The following GAP43 variants were observed in gnomAD, a reference collection of about 807,000 sequenced individuals.
GAP43 encodes the protein growth associated protein 43, also known as neuromodulin.
Under a neutral mutation model 18.6 loss-of-function variants are expected in GAP43, and 6 were observed. That is an observed-to-expected ratio of 0.32 (90% CI 0.18 to 0.64). The LOEUF is 0.64. GAP43 is among the 30% of genes least tolerant of loss of function. The pLI is 0.78. For missense variants in GAP43, 292 were observed against 295.5 expected (o/e 0.99, Z 0.09); for synonymous variants, 115 against 111.4 (o/e 1.03, Z -0.20).
At chr3:115,684,263 G>A (rs186057023) in intron 2 of GAP43, among the ~76,000 whole-genome samples, 1 of 151,950 alleles carries the variant, frequency 6.6e-6, no homozygotes, top group East Asian at 1.9e-4. Context: ...AGAATCTTTT[G>A]GAATTTGGAA....
chr3:115,697,224 CAG>C (rs1709204557), intron 2 of GAP43, among the ~76,000 whole-genome samples: 1 of 151,672 alleles, frequency 6.6e-6, no homozygotes, highest in African/African-American at 2.4e-5. Flanking sequence ...TTCATGAAGA[CAG>C]GGTATTTTTT....
intron 2 of GAP43, among the ~76,000 whole-genome samples, chr3:115,695,166 T>A (rs1348317767): frequency 6.6e-6 from 1 of 152,210 alleles, no homozygotes; most frequent in Non-Finnish European, 1.5e-5. Context: ...TAAAGAATAT[T>A]AGTGCTTGGA....
chr3:115,684,768 GC>G (rs1321709511), intron 2 of GAP43, among the ~76,000 whole-genome samples: 1 of 152,166 alleles, frequency 6.6e-6, no homozygotes, highest in Non-Finnish European at 1.5e-5. Context: ...AATTTATAGT[GC>G]CTAAGAACTA....
intron 1 of GAP43, among the ~76,000 whole-genome samples, chr3:115,662,421 G>A (rs1186598283): frequency 6.6e-6 from 1 of 152,076 alleles, no homozygotes; most frequent in Non-Finnish European, 1.5e-5. Flanking sequence ...TCAGCTTACC[G>A]GGTTTTGATA....
rs147438525 is a variant in GAP43 at position 115,677,747 on chromosome 3, C to T, written c.628+1137C>T. Among the ~76,000 whole-genome samples the T allele has an allele frequency of 5.3e-5, 8 of 152,280 alleles. No individual in the cohort carries two copies. The East Asian group carries it at 1.5e-3, about 29-fold the overall frequency. Reference sequence around the variant, plus strand: ...AGGGTCCAAATACGGACTGAACCACCGTGTGCTCCTTGGGAGAAAACCTAC... The same window carrying T: ...AGGGTCCAAATACGGACTGAACCACTGTGTGCTCCTTGGGAGAAAACCTAC... On this transcript the variant is annotated intron_variant, in intron 2 of 2. Transcript: ENST00000305124.
intron 2 of GAP43, among the ~76,000 whole-genome samples, chr3:115,692,084 G>C (rs115570342): frequency 1.3e-5 from 2 of 152,100 alleles, no homozygotes; most frequent in African/African-American, 4.8e-5. Context: ...GTGTGCATAC[G>C]GATGATATTC....
chr3:115,680,179 T>G (rs13063634), intron 2 of GAP43, among the ~76,000 whole-genome samples: 99,227 of 151,976 alleles, frequency 0.65, 33,831 homozygotes, highest in Admixed American at 0.77. Context: ...TGATTTTTTG[T>G]CCAGGTGCGG....
chr3:115,629,181 A>C (rs1340735603), intron 1 of GAP43, among the ~76,000 whole-genome samples: 2 of 152,188 alleles, frequency 1.3e-5, no homozygotes, highest in Non-Finnish European at 2.9e-5. Flanking sequence ...ATAACCTGGC[A>C]CAGACTTTTC....
intron 2 of GAP43, among the ~76,000 whole-genome samples, chr3:115,687,301 A>T (rs2107355812): frequency 6.6e-6 from 1 of 152,322 alleles, no homozygotes; most frequent in South Asian, 2.1e-4. Context: ...GAGTATGGAT[A>T]ACTGCACCCA....
intron 2 of GAP43, among the ~76,000 whole-genome samples, chr3:115,698,174 A>ATAT (rs1320647430): frequency 2.9e-3 from 47 of 16,418 alleles, no homozygotes; most frequent in Admixed American, 4.5e-3. Flanking sequence ...AAATATATTA[A>ATAT]ATAATATATA....
Position 115,635,933 on chromosome 3 carries a change from G to A in GAP43, c.30+12214G>A, listed in dbSNP as rs189671725. On this transcript the variant is annotated intron_variant, in intron 1 of 2. Coordinates refer to ENST00000305124, the MANE Select transcript of GAP43 (RefSeq NM_002045.4). The stretch of plus-strand genomic sequence containing the variant: ...AATGGTTTTCCTGCAAGCTTCTACC[G>A]TTCTCCTGCATTATCATTCCCGTGT... Among the ~76,000 whole-genome samples the A allele has an allele frequency of 1.7e-3, 266 of 152,080 alleles. 1 individual carries two copies. Among genetic ancestry groups the A allele is most frequent in the African/African-American group, 3.5e-3 (146 of 41,502 alleles).
At chr3:115,638,153 CCTCAGCA>C (rs768937747) in intron 1 of GAP43, among the ~76,000 whole-genome samples, 1 of 152,034 alleles carries the variant, frequency 6.6e-6, no homozygotes, top group African/African-American at 2.4e-5. Context: ...ACAATCTTTC[CCTCAGCA>C]GCCAGAGTGC....
In GAP43 at chr3:115,623,561, GGA is replaced by G; in HGVS notation, c.-121_-120del. The stretch of plus-strand genomic sequence containing the variant: ...GTGTGAGGGAGAGAGAGGGAGGGAG[GGA>G]GAGAGAGCGCGCTAGCGCGAGAGAG... On this transcript the variant is annotated 5_prime_UTR_variant, in exon 1 of 3. Coordinates refer to ENST00000305124, the MANE Select transcript of GAP43 (RefSeq NM_002045.4). The G allele has an allele frequency of 8.4e-7, 1 of 1,189,870 alleles. No homozygotes were observed. Among genetic ancestry groups the G allele is most frequent in the Non-Finnish European group, 1.2e-6 (1 of 817,914 alleles). 73.7% of individuals were successfully genotyped at this position (1,189,870 alleles called of 1,614,324 possible).
rs190108105 is a variant in GAP43 at position 115,627,349 on chromosome 3, T to C, written c.30+3630T>C. The stretch of plus-strand genomic sequence containing the variant: ...CCAACCCATGCTGAGGCAACTGGAA[T>C]AAGAAAATGCAGAGTTAATTTTCTT... On this transcript the variant is annotated intron_variant, in intron 1 of 2. Coordinates refer to ENST00000305124, the MANE Select transcript of GAP43 (RefSeq NM_002045.4). 4.6e-3 allele frequency among the ~76,000 whole-genome samples: 694 copies of C among 151,440 alleles called. 3 individuals are homozygous for C. The highest frequency in any genetic ancestry group is 0.016 in the African/African-American group (662 of 41,278).
chr3:115,655,094 G>A (rs1454310948), intron 1 of GAP43, among the ~76,000 whole-genome samples: 1 of 152,050 alleles, frequency 6.6e-6, no homozygotes, highest in East Asian at 1.9e-4. Flanking sequence ...ATGAGTAGAG[G>A]GTAGGATTAG....
At chr3:115,652,389 A>ATTTTTTTTTTTTTTTTTT (rs1708531283) in intron 1 of GAP43, among the ~76,000 whole-genome samples, 9 of 25,590 alleles carry the variant, frequency 3.5e-4, no homozygotes, top group African/African-American at 9.3e-4. Flanking sequence ...TTTTTTTGTG[A>ATTTTTTTTTTTTTTTTTT]TAGAGTCTTG....
intron 1 of GAP43, among the ~76,000 whole-genome samples, chr3:115,625,151 G>A (rs1304281134): frequency 4.6e-5 from 7 of 151,956 alleles, no homozygotes; most frequent in African/African-American, 1.7e-4. Flanking sequence ...AGAAGGAGCA[G>A]GAAGAGGATG....
intron 2 of GAP43, among the ~76,000 whole-genome samples, chr3:115,702,420 A>G (rs573765914): frequency 1.1e-4 from 16 of 152,242 alleles, no homozygotes; most frequent in Non-Finnish European, 1.8e-4. Context: ...GACAGAAAGA[A>G]AAAAACTAGA....
chr3:115,680,131 C>G (rs1034977890), intron 2 of GAP43, among the ~76,000 whole-genome samples: 1 of 151,954 alleles, frequency 6.6e-6, no homozygotes, highest in African/African-American at 2.4e-5. Flanking sequence ...TAACTTTCTT[C>G]TGTGCTAGGT....
Sources: allele counts gnomAD v4.1 joint callset (sites outside exome capture counted in the v4.1 genomes callset), GRCh38; gene constraint gnomAD v4.1.1; transcripts MANE v1.5; gene names NCBI Gene and HGNC (gene_info 2026-07-23, HGNC 2026-07-21).